MYT1L: variants seen among roughly 807,000 people sequenced by gnomAD.
MYT1L encodes myelin transcription factor 1 like, also known as myelin transcription factor 1-like protein.
Under a neutral mutation model 126.7 loss-of-function variants are expected in MYT1L, and 12 were observed. The ratio of observed to expected loss-of-function variants is 0.09; its 90% CI spans 0.06 to 0.15. The LOEUF (loss-of-function observed/expected upper bound fraction) is 0.15. MYT1L is among the 10% of genes least tolerant of loss of function. The probability of loss-of-function intolerance (pLI) is 1.00; values close to 1 mark genes in which losing one functional copy is unlikely to be tolerated. For synonymous variants in MYT1L, 541 were observed against 604.2 expected, an observed-to-expected ratio of 0.90 and a Z score of 1.53; for missense variants, 979 against 1,585.2, an observed-to-expected ratio of 0.62 and a Z score of 6.49.
rs541986033 is a variant in MYT1L, at chr2:2,140,102, T to A, written c.-304+32770A>T. 5.9e-5 allele frequency among the ~76,000 whole-genome samples: 9 copies of A among 152,350 alleles called. No individual in the cohort carries two copies. The East Asian group carries it at 1.3e-3, about 23-fold the overall frequency. On this transcript the variant is annotated intron_variant, in intron 3 of 24. Coordinates refer to ENST00000647738, the MANE Select transcript of MYT1L (RefSeq NM_001303052.2). ...ATTTAATCATCTGCCATAACACATG[T>A]ATATCGGCAGATTGAAATTCCTAAT... is the stretch of plus-strand genomic sequence containing the variant.
chr2:1,983,702 C>T (rs762358173), intron 5 of MYT1L, among the ~76,000 whole-genome samples: 3 of 152,212 alleles, frequency 2.0e-5, no homozygotes, highest in Non-Finnish European at 2.9e-5. Flanking sequence ...CAGCCTCAGG[C>T]GTTTAAACCG....
chr2:2,126,675 A>G (rs555146177), intron 3 of MYT1L, among the ~76,000 whole-genome samples: 3 of 152,308 alleles, frequency 2.0e-5, no homozygotes, highest in South Asian at 2.1e-4. Flanking sequence ...CCTTTCCAAA[A>G]CTGGCCTTCT....
At chr2:2,327,479 A>G (rs2096256819) in intron 1 of MYT1L, among the ~76,000 whole-genome samples, 1 of 149,894 alleles carries the variant, frequency 6.7e-6, no homozygotes. Flanking sequence ...AAAAAAGAAG[A>G]TATTCAAAAA....
At chr2:1,826,338 G>A (rs1389245015) in intron 21 of MYT1L, among the ~76,000 whole-genome samples, 1 of 152,202 alleles carries the variant, frequency 6.6e-6, no homozygotes, top group East Asian at 1.9e-4. Context: ...TTCAGCATCT[G>A]CTGAATGCTT....
intron 18 of MYT1L, among the ~76,000 whole-genome samples, chr2:1,855,398 T>A (rs1352045625): frequency 6.6e-6 from 1 of 152,218 alleles, no homozygotes; most frequent in African/African-American, 2.4e-5. Flanking sequence ...GATGGCAGCC[T>A]GTGCTGCACA....
intron 18 of MYT1L, among the ~76,000 whole-genome samples, chr2:1,853,476 A>G (rs557651370): frequency 2.0e-5 from 3 of 152,366 alleles, no homozygotes; most frequent in Admixed American, 1.3e-4. Context: ...AAATGACTGA[A>G]CTTAACTAGC....
chr2:2,261,475 C>T (rs1181557260), intron 2 of MYT1L, among the ~76,000 whole-genome samples: 3 of 152,172 alleles, frequency 2.0e-5, no homozygotes, highest in Non-Finnish European at 4.4e-5. Flanking sequence ...GGGATAGCCA[C>T]AGCATTAGTC....
chr2:2,243,247 G>A (rs1231194280), intron 2 of MYT1L, among the ~76,000 whole-genome samples: 1 of 152,130 alleles, frequency 6.6e-6, no homozygotes, highest in Non-Finnish European at 1.5e-5. Flanking sequence ...ATCAAGGTTT[G>A]GACAGGCATG....
intron 3 of MYT1L, among the ~76,000 whole-genome samples, chr2:2,116,807 G>C (rs1443980671): frequency 6.6e-6 from 1 of 152,202 alleles, no homozygotes; most frequent in African/African-American, 2.4e-5. Context: ...GGCTGTGCAG[G>C]GAGTGAGGGA....
chr2:2,068,766 C>CTTGT (rs2074206693), intron 3 of MYT1L, among the ~76,000 whole-genome samples: 2 of 5,880 alleles, frequency 3.4e-4, no homozygotes, highest in African/African-American at 1.1e-3. Context: ...CTGTGTTCTT[C>CTTGT]TTGTTTTTTT....
chr2:2,101,492 T>A (rs1463522202), intron 3 of MYT1L, among the ~76,000 whole-genome samples: 1 of 152,160 alleles, frequency 6.6e-6, no homozygotes, highest in Non-Finnish European at 1.5e-5. Context: ...TATGTGTTAT[T>A]AAATGGATGG....
chr2:2,231,712 T>C (rs2094166716), intron 2 of MYT1L, among the ~76,000 whole-genome samples: 1 of 152,132 alleles, frequency 6.6e-6, no homozygotes, highest in Non-Finnish European at 1.5e-5. Context: ...CCTCCCAAAG[T>C]ATAGGCATTT....
intron 14 of MYT1L, among the ~76,000 whole-genome samples, chr2:1,900,534 C>T (rs1457368738): frequency 3.3e-5 from 5 of 152,060 alleles, no homozygotes; most frequent in Non-Finnish European, 5.9e-5. Context: ...CTCCTGACCT[C>T]GTGATCCGCC....
chr2:2,024,868 C>A (rs1199874175), intron 4 of MYT1L, among the ~76,000 whole-genome samples: 3 of 152,256 alleles, frequency 2.0e-5, no homozygotes, highest in Non-Finnish European at 4.4e-5. Context: ...TTTCAACCAA[C>A]TGCAGGGCTT....
intron 18 of MYT1L, among the ~76,000 whole-genome samples, chr2:1,867,628 G>A (rs1248090907): frequency 6.6e-6 from 1 of 152,182 alleles, no homozygotes; most frequent in African/African-American, 2.4e-5. Context: ...GGTTTCTGGG[G>A]GTGGGGGACC....
At chr2:1,881,355 CGTGTGTGTGTGTGT>C (rs59171974) in intron 18 of MYT1L, among the ~76,000 whole-genome samples, 198 of 139,192 alleles carry the variant, frequency 1.4e-3, no homozygotes, top group African/African-American at 2.6e-3. Context: ...TTTGCAGGTT[CGTGTGTGTGTGTGT>C]GTGTGTGTGT....
chr2:1,980,833 T>C (rs956745853), intron 5 of MYT1L, among the ~76,000 whole-genome samples: 3 of 152,136 alleles, frequency 2.0e-5, no homozygotes, highest in African/African-American at 7.2e-5. Context: ...GTATGGGAAG[T>C]GTTTGCACAT....
At chr2:1,831,249 A>G (rs530760816) in intron 21 of MYT1L, among the ~76,000 whole-genome samples, 147 of 143,450 alleles carry the variant, frequency 1.0e-3, no homozygotes, top group African/African-American at 1.5e-3. Flanking sequence ...GAGGACCCCC[A>G]GCTCCCCAGT....
intron 4 of MYT1L, among the ~76,000 whole-genome samples, chr2:2,005,979 C>A (rs755671737): frequency 6.7e-6 from 1 of 149,828 alleles, no homozygotes; most frequent in Admixed American, 6.6e-5. Context: ...TGCAGGTGTT[C>A]TTTCCTGCAT....
Sources: allele counts gnomAD v4.1 joint callset (sites outside exome capture counted in the v4.1 genomes callset), GRCh38; gene constraint gnomAD v4.1.1; transcripts MANE v1.5; gene names NCBI Gene and HGNC (gene_info 2026-07-23, HGNC 2026-07-21).